Variants in ANKRD6 observed in about 807,000 individuals in gnomAD.
The protein encoded by ANKRD6 is ankyrin repeat domain 6.
In ANKRD6, 56 loss-of-function variants were observed where a neutral mutation model predicts 82.3. That is an observed-to-expected ratio of 0.68 (90% CI 0.55 to 0.85). ANKRD6 has a LOEUF of 0.85. Among genes scored for constraint, ANKRD6 ranks in the 40% least tolerant of loss-of-function variants. ANKRD6 has a pLI of 0.00. For synonymous variants in ANKRD6, 347 were observed against 352.1 expected (o/e 0.99, Z 0.16); for missense variants, 852 against 907.6 (o/e 0.94, Z 0.79).
intron 1 of ANKRD6, among the ~76,000 whole-genome samples, chr6:89,474,766 A>C (rs138422796): frequency 2.0e-5 from 3 of 152,302 alleles, no homozygotes; most frequent in Non-Finnish European, 4.4e-5. Flanking sequence ...GTTGCACTGG[A>C]TGTAGTCCAG....
intron 3 of ANKRD6, among the ~76,000 whole-genome samples, chr6:89,599,908 A>C (rs1339804283): frequency 6.6e-6 from 1 of 151,964 alleles, no homozygotes; most frequent in African/African-American, 2.4e-5. Context: ...GCCTGACAGC[A>C]GTGTTTATCT....
At chr6:89,629,692 A>G (rs990606202) in intron 15 of ANKRD6, among the ~76,000 whole-genome samples, 8 of 152,238 alleles carry the variant, frequency 5.3e-5, no homozygotes, top group African/African-American at 1.9e-4. Context: ...ACTTGCCCCC[A>G]GTGCTAGATA....
chr6:89,558,689 A>G (rs772645742), intron 1 of ANKRD6, among the ~76,000 whole-genome samples: 2 of 152,170 alleles, frequency 1.3e-5, no homozygotes, highest in Non-Finnish European at 2.9e-5. Flanking sequence ...GGAACTGTAC[A>G]ACACAGAGTG....
At chr6:89,558,167 T>C (rs1786882269) in intron 1 of ANKRD6, among the ~76,000 whole-genome samples, 1 of 152,210 alleles carries the variant, frequency 6.6e-6, no homozygotes, top group African/African-American at 2.4e-5. Context: ...TAGACATTTC[T>C]TACAAAGCTA....
At chr6:89,500,562 A>G (rs1194152520) in intron 1 of ANKRD6, among the ~76,000 whole-genome samples, 3 of 152,242 alleles carry the variant, frequency 2.0e-5, no homozygotes, top group African/African-American at 7.2e-5. Flanking sequence ...TCCTGGCTGT[A>G]TCACCAGATG....
intron 1 of ANKRD6, among the ~76,000 whole-genome samples, chr6:89,534,848 A>C (rs1387839328): frequency 6.6e-6 from 1 of 152,218 alleles, no homozygotes; most frequent in African/African-American, 2.4e-5. Context: ...TGTGGAGTTC[A>C]GGGAGAGAGG....
chr6:89,441,551 G>C (rs1771380731), intron 1 of ANKRD6, among the ~76,000 whole-genome samples: 1 of 148,472 alleles, frequency 6.7e-6, no homozygotes, highest in Non-Finnish European at 1.5e-5. Flanking sequence ...CCAAACTCCT[G>C]TAAAGCATTT....
intron 1 of ANKRD6, among the ~76,000 whole-genome samples, chr6:89,530,052 G>A (rs527797814): frequency 2.6e-5 from 4 of 152,220 alleles, no homozygotes; most frequent in South Asian, 4.1e-4. Flanking sequence ...CCAGGAGGTC[G>A]AGACCAGCCT....
intron 2 of ANKRD6, among the ~76,000 whole-genome samples, chr6:89,592,258 G>A (rs1373330869): frequency 6.6e-6 from 1 of 152,168 alleles, no homozygotes; most frequent in Admixed American, 6.5e-5. Context: ...GTAGGGTGTC[G>A]AAGAGCAGAG....
rs542095198 is a variant in ANKRD6, at chr6:89,589,367, C to T, written c.121-6549C>T. ...CTCCTTCCGAGGGTCCTGGCCCCTC[C>T]TAGGAAGGGTTTTCTGACATAACGC... On this transcript the variant is annotated intron_variant, in intron 2 of 15. Transcript: ENST00000339746. Among the ~76,000 whole-genome samples the T allele has an allele frequency of 3.9e-5, 6 of 152,214 alleles. No individual in the cohort carries two copies. The East Asian group carries it at 1.2e-3, about 29-fold the overall frequency.
intron 2 of ANKRD6, among the ~76,000 whole-genome samples, chr6:89,571,577 A>G (rs1243951667): frequency 6.6e-6 from 1 of 151,718 alleles, no homozygotes; most frequent in African/African-American, 2.4e-5. Flanking sequence ...TTGATTTGCA[A>G]CATTTTTTCT....
chr6:89,513,339 G>T (rs567685173), intron 1 of ANKRD6, among the ~76,000 whole-genome samples: 1 of 152,258 alleles, frequency 6.6e-6, no homozygotes, highest in South Asian at 2.1e-4. Context: ...TCAGGAAATT[G>T]AATACTGCCA....
chr6:89,516,930 A>T (rs1484021701), intron 1 of ANKRD6, among the ~76,000 whole-genome samples: 2 of 152,208 alleles, frequency 1.3e-5, no homozygotes, highest in Non-Finnish European at 2.9e-5. Context: ...GTGCAGTGGC[A>T]CAATCATAGC....
intron 2 of ANKRD6, among the ~76,000 whole-genome samples, chr6:89,572,916 C>T (rs1473066177): frequency 1.3e-5 from 2 of 152,126 alleles, no homozygotes; most frequent in Non-Finnish European, 2.9e-5. Context: ...ATTACTGTAG[C>T]TTTTAATGTG....
chr6:89,457,515 C>T (rs542085637), intron 1 of ANKRD6, among the ~76,000 whole-genome samples: 1 of 152,252 alleles, frequency 6.6e-6, no homozygotes, highest in South Asian at 2.1e-4. Flanking sequence ...TAAGAGTTTT[C>T]AGGATAAATT....
chr6:89,565,926 A>T (rs552068590), intron 1 of ANKRD6, among the ~76,000 whole-genome samples: 1 of 152,334 alleles, frequency 6.6e-6, no homozygotes, highest in East Asian at 1.9e-4. Flanking sequence ...TTCACCCTTG[A>T]AATAATTACC....
chr6:89,614,109 A>G (rs917993488), intron 7 of ANKRD6, among the ~76,000 whole-genome samples: 3 of 152,206 alleles, frequency 2.0e-5, no homozygotes, highest in African/African-American at 7.2e-5. Flanking sequence ...ATTCCTGTGC[A>G]TATCACCACA....
chr6:89,530,100 C>A (rs1239458566), intron 1 of ANKRD6, among the ~76,000 whole-genome samples: 3 of 151,820 alleles, frequency 2.0e-5, no homozygotes, highest in Non-Finnish European at 4.4e-5. Context: ...CAAAAAGATA[C>A]AAAAATTAGT....
intron 1 of ANKRD6, among the ~76,000 whole-genome samples, chr6:89,550,696 C>T (rs1443503093): frequency 6.6e-6 from 1 of 152,042 alleles, no homozygotes; most frequent in Non-Finnish European, 1.5e-5. Flanking sequence ...TGTCTCACAC[C>T]TGTAATCCCA....
Sources: gnomAD v4.1 joint callset for allele counts (sites outside exome capture counted in the v4.1 genomes callset) on GRCh38, gnomAD v4.1.1 for gene constraint, MANE v1.5 for transcripts, NCBI Gene and HGNC (gene_info 2026-07-23, HGNC 2026-07-21) for gene names.